The following WRAP53 variants were observed in gnomAD, a reference collection of about 807,000 sequenced individuals.
The protein encoded by WRAP53 is telomerase Cajal body protein 1.
Under a neutral mutation model 56.6 loss-of-function variants are expected in WRAP53, and 28 were observed. The observed-to-expected ratio is 0.50, with a 90% confidence interval of 0.37 to 0.68. The LOEUF is 0.68. WRAP53 is among the 30% of genes least tolerant of loss of function. WRAP53 has a pLI of 0.00. For synonymous variants in WRAP53, 283 were observed against 283.4 expected (o/e 1.00, Z 0.01); for missense variants, 671 against 715.5 (o/e 0.94, Z 0.71).
chr17:7,699,004 G>A (rs1240135042), intron 4 of WRAP53, among the ~76,000 whole-genome samples: 1 of 151,922 alleles, frequency 6.6e-6, no homozygotes, highest in Non-Finnish European at 1.5e-5. Flanking sequence ...AGGTTTCAGT[G>A]AGATGATTGC....
At position 7,702,767 on chromosome 17, in the gene WRAP53, C is replaced by A; in HGVS notation, c.1189C>A (p.Leu397Ile). The A allele has an allele frequency of 4.3e-6, 7 of 1,613,876 alleles. No homozygotes were observed. Among genetic ancestry groups the A allele is most frequent in the Non-Finnish European group, 5.9e-6 (7 of 1,180,004 alleles). The change falls in exon 9 of 11, where the codon CTC becomes ATC. Residue 397 changes from leucine (L) to isoleucine (I), a missense_variant. This residue lies in a region of WRAP53 where 158 missense variants were observed against 215.7 expected (regional missense o/e 0.73). Coordinates refer to ENST00000396463, the MANE Select transcript of WRAP53 (RefSeq NM_001143992.2). The surrounding 1 kb of genome is among the most constrained non-coding windows in gnomAD (Gnocchi z 5.0). The part of the protein sequence containing the change: ...RKDAELLCWD[L>I]RQSGYPLWSL... Reference sequence around the variant, plus strand: ...GGATGCTGAGCTCCTGTGCTGGGATCTCCGGCAGTCTGGTTACCCACTGTG... The same window carrying A: ...GGATGCTGAGCTCCTGTGCTGGGATATCCGGCAGTCTGGTTACCCACTGTG...
intron 5 of WRAP53, among the ~76,000 whole-genome samples, 156 bp downstream of exon 5, chr17:7,700,985 T>C (rs2074266078): frequency 6.6e-6 from 1 of 151,764 alleles, no homozygotes; most frequent in Non-Finnish European, 1.5e-5. Flanking sequence ...TTCCTTTTTT[T>C]TTTTTTAGAT....
At position 7,703,484 on chromosome 17, in the gene WRAP53, T is replaced by C; in HGVS notation, c.1645T>C (p.Ter549GlnextTer?). The C allele has an allele frequency of 6.4e-7, 1 of 1,564,668 alleles. No homozygotes were observed. Among genetic ancestry groups the C allele is most frequent in the Non-Finnish European group, 8.7e-7 (1 of 1,153,128 alleles). The change falls in exon 11 of 11, where the codon TAA becomes CAA. Residue 549 changes from the stop codon to glutamine, a stop_lost. Transcript: ENST00000396463. ...GTEGGVGELI* is the reference protein window; with the variant it reads ...GTEGGVGELIQ The stretch of plus-strand genomic sequence containing the variant: ...GGAGGGAGGTGTGGGTGAGCTGATA[T>C]AAAAAGGTTTTTATGATACTAGAGT...
intron 4 of WRAP53, among the ~76,000 whole-genome samples, chr17:7,698,821 A>C (rs2074219604): frequency 6.6e-6 from 1 of 152,098 alleles, no homozygotes; most frequent in South Asian, 2.1e-4. Context: ...GGTTGCAGTG[A>C]GCCAAGATTG....
chr17:7,696,286 A>T (rs2074182831), intron 4 of WRAP53, among the ~76,000 whole-genome samples: 1 of 136,306 alleles, frequency 7.3e-6, no homozygotes, highest in Non-Finnish European at 1.5e-5. Context: ...GGCGGGACTC[A>T]GAGATTTTTT....
In WRAP53 at chr17:7,702,359, A is replaced by C. The variant is rs1402982750; in HGVS notation, c.971A>C (p.Gln324Pro). ...VRATFAKKQG[Q>P]SGIISCIAFS... Reference sequence around the variant, plus strand: ...CCCTCTCTAGCAAAAAAGCAGGGCCAGAGCGGCATCATCTCCTGCATAGCC... The same window carrying C: ...CCCTCTCTAGCAAAAAAGCAGGGCCCGAGCGGCATCATCTCCTGCATAGCC... Residue 324 changes from glutamine to proline, a missense_variant, in exon 8 of 11, where the codon CAG becomes CCG. Transcript: ENST00000396463. The surrounding 1 kb of genome is among the most constrained non-coding windows in gnomAD (Gnocchi z 5.0). 7.4e-6 allele frequency: 12 copies of C among 1,614,038 alleles called. No individual in the cohort carries two copies. Among genetic ancestry groups the C allele is most frequent in the Non-Finnish European group, 6.8e-6 (8 of 1,180,028 alleles).
intron 4 of WRAP53, among the ~76,000 whole-genome samples, chr17:7,697,086 C>T (rs1017876564): frequency 1.3e-5 from 2 of 151,976 alleles, no homozygotes; most frequent in Non-Finnish European, 2.9e-5. Flanking sequence ...TTTGGGAAGC[C>T]GAGGCAGGTG....
In WRAP53 at chr17:7,693,466, C is replaced by T. The variant is rs534213091; in HGVS notation, c.642+3765C>T. 2.6e-4 allele frequency among the ~76,000 whole-genome samples: 39 copies of T among 152,306 alleles called. No homozygotes were observed. In the East Asian group the frequency reaches 5.4e-3, roughly 21 times the overall value. ...GGGTGCGGTGGCTCACGCCTATAAT[C>T]CCAGCACTTTGGGGGGCCGAGGCAG... On this transcript the variant is annotated intron_variant, in intron 4 of 10. Coordinates refer to ENST00000396463, the MANE Select transcript of WRAP53 (RefSeq NM_001143992.2).
chr17:7,689,036 GA>G lies in WRAP53; in HGVS notation c.390del (p.Asp131IlefsTer42), dbSNP rs749953879. 15 of 1,614,190 alleles carry G rather than the reference GA, an allele frequency of 9.3e-6. No individual in the cohort carries two copies. The highest frequency in any genetic ancestry group is 1.7e-5 in the Admixed American group (1 of 60,020). On this transcript the variant is annotated frameshift_variant, in exon 2 of 11. Transcript: ENST00000396463. LOFTEE classifies it high-confidence loss of function. The stretch of plus-strand genomic sequence containing the variant: ...AGAGTTGGGGTCTGGAAAAGCCATG[GA>G]AGATACCTCTGGGGAACCCGCTGCA... ...GPELGSGKAM[E>X]DTSGEPAAED...
chr17:7,702,162 A>G lies in WRAP53; in HGVS notation c.956-182A>G. 1 of 730,386 alleles carries G rather than the reference A, an allele frequency of 1.4e-6. No homozygotes were observed. The highest frequency in any genetic ancestry group is 2.4e-6 in the Non-Finnish European group (1 of 425,480). 45.2% of individuals were successfully genotyped at this position (730,386 alleles called of 1,614,324 possible). On this transcript the variant is annotated intron_variant, in intron 7 of 10. Coordinates refer to ENST00000396463, the MANE Select transcript of WRAP53 (RefSeq NM_001143992.2). The surrounding 1 kb of genome is among the most constrained non-coding windows in gnomAD (Gnocchi z 5.0). The stretch of plus-strand genomic sequence containing the variant: ...GGGATGAAGTGGGGCTTGGGCATTT[A>G]GGTCCTTTGGGAGGATAGATGTGGG...
chr17:7,693,065 G>T (rs1383849609), intron 4 of WRAP53, among the ~76,000 whole-genome samples: 1 of 151,934 alleles, frequency 6.6e-6, no homozygotes. Flanking sequence ...CTCTAAATTC[G>T]CCTCACTGCA....
rs766817615 is a variant in WRAP53, at chr17:7,701,520, C to T, written c.793C>T (p.Arg265Trp). 33 of 1,614,142 alleles carry T rather than the reference C, an allele frequency of 2.0e-5. No individual in the cohort carries two copies. The highest frequency in any genetic ancestry group is 1.6e-4 in the Middle Eastern group (1 of 6,082). Residue 265 changes from arginine to tryptophan, a missense_variant, in exon 6 of 11, where the codon CGG becomes TGG. Physicochemically the swap from Arg to Trp is moderately radical, Grantham distance 101. Coordinates refer to ENST00000396463, the MANE Select transcript of WRAP53 (RefSeq NM_001143992.2). This position sits in a 1 kb window ranked among gnomAD's most constrained non-coding sequence, Gnocchi z 4.2. ...HIWDAFTGEL[R>W]ASFRAYNHLD... is the part of the protein sequence containing the mutation. ...CTGGGACGCATTCACTGGAGAGCTC[C>T]GGGCTTCCTTTCGCGCCTACAACCA...
chr17:7,699,502 T>TATATATATATATATATATA (rs1567577549), intron 4 of WRAP53, among the ~76,000 whole-genome samples: 2 of 11,764 alleles, frequency 1.7e-4, no homozygotes, highest in Admixed American at 1.5e-3. Flanking sequence ...ATATATATAT[T>TATATATATATATATATATA]TATATATATA....
intron 4 of WRAP53, among the ~76,000 whole-genome samples, chr17:7,694,978 A>G (rs370788430): frequency 6.8e-6 from 1 of 147,350 alleles, no homozygotes; most frequent in Non-Finnish European, 1.5e-5. Flanking sequence ...TTTGAGATGG[A>G]GTCTTGCTGT....
At chr17:7,697,446 C>G (rs755764193) in intron 4 of WRAP53, among the ~76,000 whole-genome samples, 4 of 151,866 alleles carry the variant, frequency 2.6e-5, no homozygotes, top group African/African-American at 9.7e-5. Flanking sequence ...TCACTTGAGG[C>G]TGGGAGTTTG....
intron 4 of WRAP53, among the ~76,000 whole-genome samples, chr17:7,700,422 A>G (rs1048170012): frequency 7.9e-5 from 12 of 151,802 alleles, no homozygotes; most frequent in African/African-American, 2.9e-4. Flanking sequence ...AGGCGGGTGG[A>G]TCACCTGAGG....
upstream of WRAP53, chr17:7,686,413 C>G (rs1473540784): frequency 1.3e-5 from 2 of 152,212 alleles, no homozygotes; most frequent in Non-Finnish European, 1.5e-5. Flanking sequence ...GTAGCGTCCG[C>G]CTAGGTTGCA....
At chr17:7,692,620 C>CAAAAAA (rs1178226250) in intron 4 of WRAP53, among the ~76,000 whole-genome samples, 2 of 59,040 alleles carry the variant, frequency 3.4e-5, no homozygotes, top group Non-Finnish European at 3.2e-5. Context: ...GACTCCGTCT[C>CAAAAAA]AAAAAAAAAA....
At position 7,702,588 on chromosome 17, in the gene WRAP53, G is replaced by A; in HGVS notation, c.1164+36G>A. The A allele has an allele frequency of 6.3e-7, 1 of 1,599,406 alleles. No individual in the cohort carries two copies. Among genetic ancestry groups the A allele is most frequent in the Non-Finnish European group, 8.5e-7 (1 of 1,177,312 alleles). ...CACCCTGAGAGCCCAAAGCAGCTGGGCAGCGGGGCAGGAGCAGGGATGTAG... is the reference window on the plus strand; with the variant it reads ...CACCCTGAGAGCCCAAAGCAGCTGGACAGCGGGGCAGGAGCAGGGATGTAG... On this transcript the variant is annotated intron_variant, in intron 8 of 10. Transcript: ENST00000396463. The surrounding 1 kb of genome is among the most constrained non-coding windows in gnomAD (Gnocchi z 5.0).
Sources: gnomAD v4.1 joint callset for allele counts (sites outside exome capture counted in the v4.1 genomes callset) on GRCh38, gnomAD v4.1.1 for gene constraint, gnomAD v4.1.1 regional missense constraint, Gnocchi (gnomAD v3.1) non-coding constraint, MANE v1.5 for transcripts, NCBI Gene and HGNC (gene_info 2026-07-23, HGNC 2026-07-21) for gene names.